EFCAB11: variants seen among roughly 807,000 people sequenced by gnomAD.
EFCAB11 encodes the protein EF-hand calcium binding domain 11.
Under a neutral mutation model 23.0 loss-of-function variants are expected in EFCAB11, and 14 were observed. The ratio of observed to expected loss-of-function variants is 0.61; its 90% CI spans 0.40 to 0.95. EFCAB11 has a LOEUF of 0.95. Ranked by LOEUF, EFCAB11 falls within the 40% of genes least tolerant of loss-of-function variation. EFCAB11 has a pLI of 0.00. For synonymous variants in EFCAB11, 65 were observed against 66.6 expected (o/e 0.98, Z 0.11); for missense variants, 198 against 195.8 (o/e 1.01, Z -0.07).
chr14:89,929,899 T>A (rs1270694230), intron 5 of EFCAB11, among the ~76,000 whole-genome samples: 1 of 152,216 alleles, frequency 6.6e-6, no homozygotes, highest in Admixed American at 6.5e-5. Flanking sequence ...TTCAAAAATC[T>A]CTATAAGGTA....
intron 5 of EFCAB11, among the ~76,000 whole-genome samples, chr14:89,804,331 G>A (rs1885892918): frequency 6.6e-6 from 1 of 152,234 alleles, no homozygotes; most frequent in Non-Finnish European, 1.5e-5. Flanking sequence ...ACGCTTAAAA[G>A]CCTGTGCACG....
intron 3 of EFCAB11, among the ~76,000 whole-genome samples, chr14:89,940,724 G>T (rs1890761574): frequency 6.6e-6 from 1 of 152,010 alleles, no homozygotes; most frequent in Non-Finnish European, 1.5e-5. Flanking sequence ...CAATCTAATC[G>T]CCTAGTGAAA....
intron 4 of EFCAB11, 46 bp downstream of exon 4, chr14:89,932,480 C>T: frequency 6.6e-7 from 1 of 1,505,328 alleles, no homozygotes; most frequent in Non-Finnish European, 9.1e-7. Flanking sequence ...TTTGCAATCC[C>T]TTAAAAGTAA....
At chr14:89,834,457 G>T (rs1887005737) in intron 5 of EFCAB11, among the ~76,000 whole-genome samples, 1 of 150,708 alleles carries the variant, frequency 6.6e-6, no homozygotes, top group Admixed American at 6.6e-5. Context: ...CCGGCAATTG[G>T]ATCTGCATAT....
Position 89,954,570 on chromosome 14 carries a change from C to T in EFCAB11, c.75+16G>A, listed in dbSNP as rs758223331. ...CAAGCTGAAGTCCGAGGCTCAGTCG[C>T]CCTCCGGAAACCTACTTCCACCCAC... On this transcript the variant is annotated intron_variant, in intron 1 of 5. Coordinates refer to ENST00000316738, the MANE Select transcript of EFCAB11 (RefSeq NM_145231.4). 7 of 1,612,970 alleles carry T rather than the reference C, an allele frequency of 4.3e-6. No individual in the cohort carries two copies. In the East Asian group the frequency reaches 1.1e-4, roughly 26 times the overall value.
chr14:89,943,401 C>G (rs1890861372), intron 3 of EFCAB11, among the ~76,000 whole-genome samples: 1 of 151,850 alleles, frequency 6.6e-6, no homozygotes, highest in Non-Finnish European at 1.5e-5. Flanking sequence ...ACCATCAGGC[C>G]TGGCTCATTT....
intron 5 of EFCAB11, among the ~76,000 whole-genome samples, chr14:89,856,882 C>T (rs1200321864): frequency 6.6e-6 from 1 of 152,150 alleles, no homozygotes; most frequent in Non-Finnish European, 1.5e-5. Context: ...TTTCAAGACC[C>T]TTTTATCCAA....
intron 5 of EFCAB11, among the ~76,000 whole-genome samples, chr14:89,807,854 A>C (rs1886020316): frequency 6.6e-6 from 1 of 152,236 alleles, no homozygotes; most frequent in South Asian, 2.1e-4. Context: ...AAACAATGTT[A>C]TCAAAACAAA....
At chr14:89,805,853 G>A (rs1045909246) in intron 5 of EFCAB11, among the ~76,000 whole-genome samples, 1 of 152,178 alleles carries the variant, frequency 6.6e-6, no homozygotes, top group Admixed American at 6.5e-5. Context: ...TTTGGAACTT[G>A]ATGGACAGAC....
chr14:89,923,077 G>A (rs1481807391), intron 5 of EFCAB11, among the ~76,000 whole-genome samples: 5 of 152,114 alleles, frequency 3.3e-5, no homozygotes, highest in Admixed American at 3.3e-4. Context: ...CTTAAATGAA[G>A]AAACCAAAAT....
At chr14:89,918,960 C>T (rs1889936529) in intron 5 of EFCAB11, among the ~76,000 whole-genome samples, 1 of 150,594 alleles carries the variant, frequency 6.6e-6, no homozygotes, top group Admixed American at 6.7e-5. Flanking sequence ...CAGATCTCTG[C>T]ATGAAATGGA....
At chr14:89,880,797 T>C (rs935215872) in intron 5 of EFCAB11, among the ~76,000 whole-genome samples, 2 of 152,196 alleles carry the variant, frequency 1.3e-5, no homozygotes, top group Admixed American at 6.5e-5. Context: ...ATTAAACTAA[T>C]ATTACTTGTG....
chr14:89,899,798 CA>C (rs1354996836), intron 5 of EFCAB11, among the ~76,000 whole-genome samples: 1 of 152,118 alleles, frequency 6.6e-6, no homozygotes, highest in Admixed American at 6.5e-5. Flanking sequence ...ATCAAATTGG[CA>C]AAAACTAGAG....
chr14:89,814,285 G>A (rs531880980), intron 5 of EFCAB11, among the ~76,000 whole-genome samples: 8 of 152,276 alleles, frequency 5.3e-5, no homozygotes, highest in Admixed American at 4.6e-4. Context: ...CCTGCCGCCT[G>A]CCAGCAACAC....
chr14:89,842,162 G>A (rs1011357182), intron 5 of EFCAB11, among the ~76,000 whole-genome samples: 2 of 152,170 alleles, frequency 1.3e-5, no homozygotes, highest in Non-Finnish European at 2.9e-5. Flanking sequence ...TCTCTGAAGT[G>A]TATGCATGTC....
chr14:89,818,132 G>A (rs1886392861), intron 5 of EFCAB11, among the ~76,000 whole-genome samples: 1 of 152,232 alleles, frequency 6.6e-6, no homozygotes, highest in South Asian at 2.1e-4. Flanking sequence ...TACATGAAAA[G>A]CTCTTATAAC....
rs528671250 is a variant in EFCAB11, at chr14:89,894,266, T to A, written c.410+37275A>T. Among the ~76,000 whole-genome samples the A allele has an allele frequency of 4.3e-3, 657 of 152,052 alleles. 5 individuals are homozygous for A. Among genetic ancestry groups the A allele is most frequent in the African/African-American group, 0.015 (635 of 41,478 alleles). On this transcript the variant is annotated intron_variant, in intron 5 of 5. Transcript: ENST00000316738. ...CACCCAGCCTTGATTTTTTTTTTTTTAATTTAAGTTCTGGGATACATGTGC... is the reference window on the plus strand; with the variant it reads ...CACCCAGCCTTGATTTTTTTTTTTTAAATTTAAGTTCTGGGATACATGTGC...
chr14:89,936,894 T>C (rs1447450790), intron 3 of EFCAB11, among the ~76,000 whole-genome samples: 1 of 152,190 alleles, frequency 6.6e-6, no homozygotes, highest in Non-Finnish European at 1.5e-5. Flanking sequence ...AAATTACCAC[T>C]TCACAAAGGC....
chr14:89,836,721 T>C (rs8021113), intron 5 of EFCAB11: 331,477 of 454,786 alleles, frequency 0.73, 125,339 homozygotes, highest in Non-Finnish European at 0.83. Context: ...TTTATAATGT[T>C]TAAATATATA....
Sources: allele counts gnomAD v4.1 joint callset (sites outside exome capture counted in the v4.1 genomes callset), GRCh38; gene constraint gnomAD v4.1.1; transcripts MANE v1.5; gene names NCBI Gene and HGNC (gene_info 2026-07-23, HGNC 2026-07-21).